Variants in BSCL2 observed in about 807,000 individuals in gnomAD.
The protein encoded by BSCL2 is BSCL2 lipid droplet biogenesis associated, seipin, also known as seipin.
Under a neutral mutation model 57.4 loss-of-function variants are expected in BSCL2, and 41 were observed. The ratio of observed to expected loss-of-function variants is 0.71; its 90% CI spans 0.56 to 0.93. The LOEUF (loss-of-function observed/expected upper bound fraction) is 0.93, where lower values mean the gene tolerates loss of function less well. Among genes scored for constraint, BSCL2 ranks in the 40% least tolerant of loss-of-function variants. BSCL2 has a pLI of 0.00. For synonymous variants in BSCL2, 237 were observed against 227.3 expected (o/e 1.04, Z -0.38); for missense variants, 539 against 586.7 (o/e 0.92, Z 0.84).
intron 3 of BSCL2, among the ~76,000 whole-genome samples, chr11:62,696,754 C>T (rs1945479365): frequency 6.6e-6 from 1 of 152,092 alleles, no homozygotes; most frequent in African/African-American, 2.4e-5. Context: ...GACGGGGTCT[C>T]ATTATGCTGC....
rs183210574 is a variant in BSCL2, at chr11:62,692,647, C to T, written c.765+16G>A. On this transcript the variant is annotated intron_variant, in intron 5 of 10. Coordinates refer to ENST00000360796, the MANE Select transcript of BSCL2 (RefSeq NM_001122955.4). ...GGGGCTATCTCCTAGTCATAAAGCT[C>T]GTTCACCTCACTCACCGAGTTCTCT... The T allele has an allele frequency of 9.4e-5, 151 of 1,613,910 alleles. No homozygotes were observed. In the East Asian group the frequency reaches 2.7e-3, roughly 29 times the overall value.
At chr11:62,691,239 A>G in intron 7 of BSCL2, 41 bp downstream of exon 7, 3 of 1,614,152 alleles carry the variant, frequency 1.9e-6, no homozygotes, top group Non-Finnish European at 2.5e-6. Flanking sequence ...GACCACCCAC[A>G]AAGATCAAAG....
chr11:62,707,926 G>A, upstream of BSCL2: 1 of 303,916 alleles, frequency 3.3e-6, no homozygotes, highest in Non-Finnish European at 6.3e-6. Flanking sequence ...GTAAGTAATG[G>A]CCTGTTTTTC....
chr11:62,707,994 T>A (rs2083571372), upstream of BSCL2: 1 of 414,756 alleles, frequency 2.4e-6, no homozygotes, highest in South Asian at 2.5e-5. Context: ...TCAGGGTTGG[T>A]TGAGGTCTTC....
chr11:62,699,195 G>A (rs972476536), intron 3 of BSCL2, among the ~76,000 whole-genome samples: 8 of 146,242 alleles, frequency 5.5e-5, no homozygotes, highest in African/African-American at 1.5e-4. Flanking sequence ...GAGCCACCAC[G>A]CTTGGCCCCT....
chr11:62,690,338 C>A lies in BSCL2; in HGVS notation c.*29G>T. ...GGGAGAGGAGTCAGGTGGGAAAGTGCTGGAATGTGAGGAGTCTGCCCCTTT... is the reference window on the plus strand; with the variant it reads ...GGGAGAGGAGTCAGGTGGGAAAGTGATGGAATGTGAGGAGTCTGCCCCTTT... On this transcript the variant is annotated 3_prime_UTR_variant, in exon 11 of 11. Coordinates refer to ENST00000360796, the MANE Select transcript of BSCL2 (RefSeq NM_001122955.4). 1 of 1,613,414 alleles carries A rather than the reference C, an allele frequency of 6.2e-7. No individual in the cohort carries two copies. Among genetic ancestry groups the A allele is most frequent in the Non-Finnish European group, 8.5e-7 (1 of 1,179,982 alleles).
At position 62,694,658 on chromosome 11, in the gene BSCL2, C is replaced by T; in HGVS notation, c.540G>A (p.Glu180=). 1 of 1,614,160 alleles carries T rather than the reference C, an allele frequency of 6.2e-7. No individual in the cohort carries two copies. The highest frequency in any genetic ancestry group is 8.5e-7 in the Non-Finnish European group (1 of 1,180,034). Residue 180 remains glutamate, a synonymous_variant, in exon 4 of 11, where the codon GAG becomes GAA. Coordinates refer to ENST00000360796, the MANE Select transcript of BSCL2 (RefSeq NM_001122955.4). ...YRVTLELELP[E]SPVNQDLGMF... is the part of the protein sequence containing the mutation. ...TGCCCAAATCTTGATTCACAGGGGA[C>T]TCTGGCAGCTCAAGCTCTAAGGTAA... is the stretch of plus-strand genomic sequence containing the variant.
intron 3 of BSCL2, 78 bp from the exon 4 acceptor site, chr11:62,694,789 G>GC (rs980471292): frequency 3.3e-6 from 5 of 1,518,510 alleles, no homozygotes; most frequent in Non-Finnish European, 4.5e-6. Context: ...CTCCCTCTTA[G>GC]CCCCCGCAAC....
chr11:62,707,123 G>C lies in BSCL2; in HGVS notation c.73C>G (p.Pro25Ala), dbSNP rs779838558. ...KEVCGDQIKGPDKEEEPPAAA... is the reference protein window; with the variant it reads ...KEVCGDQIKGADKEEEPPAAA... The stretch of plus-strand genomic sequence containing the variant: ...AGGGCCCCTACCTCCTCTTTGTCCG[G>C]TCCTTTGATCTGGTCTCCGCACACC... Residue 25 changes from proline (P) to alanine (A), a missense_variant, in exon 1 of 11, where the codon CCG becomes GCG. By Grantham distance (27) the Pro-to-Ala change is conservative. Coordinates refer to ENST00000360796, the MANE Select transcript of BSCL2 (RefSeq NM_001122955.4). The C allele has an allele frequency of 3.3e-5, 51 of 1,553,816 alleles. 2 individuals are homozygous for C. In the South Asian group the frequency reaches 5.8e-4, roughly 18 times the overall value.
intron 3 of BSCL2, among the ~76,000 whole-genome samples, chr11:62,696,731 AT>A (rs1945478482): frequency 6.6e-6 from 1 of 151,612 alleles, no homozygotes; most frequent in Non-Finnish European, 1.5e-5. Context: ...CTAATTTTTT[AT>A]TTTTTTGTAG....
At chr11:62,708,056 T>G (rs536925856), upstream of BSCL2, 2 of 555,060 alleles carry the variant, frequency 3.6e-6, no homozygotes, top group South Asian at 4.1e-5. Context: ...AAATCATTTG[T>G]GTAAGGTTTA....
intron 3 of BSCL2, among the ~76,000 whole-genome samples, chr11:62,697,748 C>T (rs1443188683): frequency 1.3e-5 from 2 of 148,388 alleles, no homozygotes; most frequent in African/African-American, 5.0e-5. Flanking sequence ...GAAGCAAGAT[C>T]ACACCAGTGC....
Position 62,690,491 on chromosome 11 carries a change from A to T in BSCL2, c.1265T>A (p.Leu422Gln). 1 of 1,614,200 alleles carries T rather than the reference A, an allele frequency of 6.2e-7. No homozygotes were observed. Among genetic ancestry groups the T allele is most frequent in the South Asian group, 1.1e-5 (1 of 91,084 alleles). The part of the protein sequence containing the change: ...GSGSWEDAAL[L>Q]TEANLPAPAP... ...AGGAGCAGGCAGGTTGGCCTCCGTC[A>T]GCAAAGCTGCATCTTCCCAGGAGCC... is the stretch of plus-strand genomic sequence containing the variant. Residue 422 changes from leucine (L) to glutamine (Q), a missense_variant, in exon 11 of 11, where the codon CTG becomes CAG. This residue lies in a region of BSCL2 where 248 missense variants were observed against 239.9 expected (regional missense o/e 1.03). Transcript: ENST00000360796.
rs749865861 is a variant in BSCL2, at chr11:62,705,535, G to A, written c.170C>T (p.Ala57Val). The A allele has an allele frequency of 6.2e-7, 1 of 1,612,486 alleles. No individual in the cohort carries two copies. Among genetic ancestry groups the A allele is most frequent in the Admixed American group, 1.7e-5 (1 of 59,928 alleles). The change falls in exon 2 of 11, where the codon GCC (alanine) becomes GTC (valine). Residue 57 changes from alanine (A) to valine (V), a missense_variant. Physicochemically the swap from Ala to Val is moderately conservative, Grantham distance 64. Around this residue, in one of 3 missense-constraint regions of BSCL2, gnomAD observed 218 missense variants for 224.8 expected, o/e 0.97. Coordinates refer to ENST00000360796, the MANE Select transcript of BSCL2 (RefSeq NM_001122955.4). Reference protein sequence around the residue: ...AARNARPEPGARHPALPAMVN... With the variant: ...AARNARPEPGVRHPALPAMVN... Reference sequence around the variant, plus strand: ...CATGGCCGGGAGAGCAGGGTGTCTGGCCCCAGGTTCAGGCCTTGCGTTCCT... The same window carrying A: ...CATGGCCGGGAGAGCAGGGTGTCTGACCCCAGGTTCAGGCCTTGCGTTCCT...
In BSCL2 at chr11:62,707,346, A is replaced by G. The variant is rs768492253; in HGVS notation, c.-151T>C. 1 of 756,444 alleles carries G rather than the reference A, an allele frequency of 1.3e-6. No individual in the cohort carries two copies. The highest frequency in any genetic ancestry group is 1.5e-5 in the South Asian group (1 of 68,604). The allele number at this position is 756,444 out of a possible 1,614,324, so 46.9% of individuals were successfully genotyped here. ...GTCCCTGGGAGAGAAACGAAGATTC[A>G]GGTGCTAAGTGCTGTGTCAGAGTAG... is the stretch of plus-strand genomic sequence containing the variant. On this transcript the variant is annotated 5_prime_UTR_variant, in exon 1 of 11. Coordinates refer to ENST00000360796, the MANE Select transcript of BSCL2 (RefSeq NM_001122955.4).
At chr11:62,702,321 C>T in intron 3 of BSCL2, 147 bp downstream of exon 3, 1 of 677,648 alleles carries the variant, frequency 1.5e-6, no homozygotes, top group South Asian at 1.5e-5. Flanking sequence ...CCACCTCAGC[C>T]TCCCAAAGTA....
chr11:62,694,726 C>T lies in BSCL2; in HGVS notation c.487-15G>A. 1.2e-6 allele frequency: 2 copies of T among 1,613,430 alleles called. No individual in the cohort carries two copies. The highest frequency in any genetic ancestry group is 1.7e-6 in the Non-Finnish European group (2 of 1,179,696). On this transcript the variant is annotated splice_polypyrimidine_tract_variant and intron_variant, in intron 3 of 10. Coordinates refer to ENST00000360796, the MANE Select transcript of BSCL2 (RefSeq NM_001122955.4). ...TACATCAGCACCTGCCAAAGGTAGC[C>T]CCCATTTCTTTAAAAAAATTTTTTT...
At chr11:62,709,072 C>G, upstream of BSCL2, 1 of 491,750 alleles carries the variant, frequency 2.0e-6, no homozygotes, top group Non-Finnish European at 3.8e-6. Flanking sequence ...TCTGCCAGCG[C>G]GTCCTGCCCG....
In BSCL2 at chr11:62,692,671, C is replaced by A. The variant is rs137852975; in HGVS notation, c.757G>T (p.Glu253Ter). 5.0e-6 allele frequency: 8 copies of A among 1,614,002 alleles called. No individual in the cohort carries two copies. The East Asian group carries it at 1.8e-4, about 36-fold the overall frequency. The change falls in exon 5 of 11, where the codon GAG becomes TAG. Residue 253 changes from glutamate to a stop codon, truncating the protein, a stop_gained. Coordinates refer to ENST00000360796, the MANE Select transcript of BSCL2 (RefSeq NM_001122955.4). LOFTEE classifies it high-confidence loss of function. ...LEVELYADYRENSYVPTTGAI... is the reference protein window; with the variant it reads ...LEVELYADYR Reference sequence around the variant, plus strand: ...TCGTTCACCTCACTCACCGAGTTCTCTCTATAGTCTGCGTAGAGTTCCACC... The same window carrying A: ...TCGTTCACCTCACTCACCGAGTTCTATCTATAGTCTGCGTAGAGTTCCACC...
Sources: allele counts gnomAD v4.1 joint callset (sites outside exome capture counted in the v4.1 genomes callset), GRCh38; gene constraint gnomAD v4.1.1; regional missense constraint gnomAD v4.1.1; transcripts MANE v1.5; gene names NCBI Gene and HGNC (gene_info 2026-07-23, HGNC 2026-07-21).